The following XRRA1 variants were observed in gnomAD, a reference collection of about 807,000 sequenced individuals.
XRRA1 encodes X-ray radiation resistance associated 1, also known as X-ray radiation resistance-associated protein 1.
In XRRA1, 69 loss-of-function variants were observed where a neutral mutation model predicts 80.2. The observed-to-expected ratio is 0.86, with a 90% CI of 0.71 to 1.05. The LOEUF (loss-of-function observed/expected upper bound fraction) is 1.05, where lower values mean the gene tolerates loss of function less well. Ranked by LOEUF, XRRA1 falls within the 50% of genes least tolerant of loss-of-function variation. The pLI is 0.00. For missense variants in XRRA1, 967 were observed against 976.4 expected (o/e 0.99, Z 0.13); for synonymous variants, 348 against 389.9 (o/e 0.89, Z 1.27).
chr11:74,906,341 C>T lies in XRRA1; in HGVS notation c.901G>A (p.Glu301Lys). 6.2e-7 allele frequency: 1 copy of T among 1,614,024 alleles called. No individual in the cohort carries two copies. The highest frequency in any genetic ancestry group is 1.1e-5 in the South Asian group (1 of 91,084). The change falls in exon 10 of 19, where the codon GAG becomes AAG. Residue 301 changes from glutamate to lysine, a missense_variant. Physicochemically the swap from Glu to Lys is moderately conservative, Grantham distance 56. Coordinates refer to ENST00000684022, the MANE Select transcript of XRRA1 (RefSeq NM_001378157.1). ...WNGGRGSPHKEPQFMLQSKPR... is the reference protein window; with the variant it reads ...WNGGRGSPHKKPQFMLQSKPR... ...TTGGACTGCAGCATGAATTGGGGCT[C>T]TTTATGGGGACTTCCCCTGCCTCCA...
At position 74,936,995 on chromosome 11, in the gene XRRA1, A is replaced by G. The variant is rs760533136; in HGVS notation, c.168T>C (p.Ala56=). 3.7e-6 allele frequency: 6 copies of G among 1,613,870 alleles called. No individual in the cohort carries two copies. The South Asian group carries it at 6.6e-5, about 18-fold the overall frequency. Reference sequence around the variant, plus strand: ...TCGCCTTCAGGCTTTCCCGACGTTCAGCTTGTGCTCCAACCAAACCCTTGG... The same window carrying G: ...TCGCCTTCAGGCTTTCCCGACGTTCGGCTTGTGCTCCAACCAAACCCTTGG... The part of the protein sequence containing the change: ...KKPKGLVGAQ[A]ERRESLKATS... The change falls in exon 4 of 19, where the codon GCT becomes GCC. Residue 56 remains alanine (A), a synonymous_variant. Coordinates refer to ENST00000684022, the MANE Select transcript of XRRA1 (RefSeq NM_001378157.1).
At chr11:74,879,543 A>G (rs967965214) in intron 10 of XRRA1, among the ~76,000 whole-genome samples, 6 of 152,132 alleles carry the variant, frequency 3.9e-5, no homozygotes, top group African/African-American at 1.2e-4. Context: ...GTCTTGTGCC[A>G]GTTTTCAAAG....
At position 74,869,246 on chromosome 11, in the gene XRRA1, GGT is replaced by G. The variant is rs528852823; in HGVS notation, c.1004-6227_1004-6226del. On this transcript the variant is annotated intron_variant, in intron 10 of 18. Transcript: ENST00000684022. Reference sequence around the variant, plus strand: ...TAAACCTGCTCCTGAATGACTTTTGGGTAAATAATGAAATTAAGGGAGAAATC... The same window carrying G: ...TAAACCTGCTCCTGAATGACTTTTGGAAATAATGAAATTAAGGGAGAAATC... Among the ~76,000 whole-genome samples the G allele has an allele frequency of 2.6e-5, 4 of 152,008 alleles. No homozygotes were observed. In the South Asian group the frequency reaches 8.3e-4, roughly 32 times the overall value.
chr11:74,906,879 T>C, intron 9 of XRRA1: 1 of 458,600 alleles, frequency 2.2e-6, no homozygotes, highest in Non-Finnish European at 3.8e-6. Context: ...GTCCGAATCC[T>C]ATCTTGGGTA....
chr11:74,945,648 TATATGGTAG>T (rs1214742045), intron 1 of XRRA1, among the ~76,000 whole-genome samples: 1 of 152,080 alleles, frequency 6.6e-6, no homozygotes, highest in African/African-American at 2.4e-5. Flanking sequence ...GTAAGATCTT[TATATGGTAG>T]AAAAAAAAGT....
In XRRA1 at chr11:74,899,562, A is replaced by G. The variant is rs144042065; in HGVS notation, c.1003+6677T>C. 5.9e-5 allele frequency among the ~76,000 whole-genome samples: 9 copies of G among 152,318 alleles called. No homozygotes were observed. In the East Asian group the frequency reaches 1.7e-3, roughly 29 times the overall value. ...ACCCAAATAAATAAAATCAGAGATA[A>G]AAAAGGAGATATTACAGCTGTTACT... On this transcript the variant is annotated intron_variant, in intron 10 of 18. Transcript: ENST00000684022.
intron 10 of XRRA1, among the ~76,000 whole-genome samples, chr11:74,880,593 G>A (rs2047283479): frequency 6.6e-6 from 1 of 150,716 alleles, no homozygotes; most frequent in Non-Finnish European, 1.5e-5. Context: ...TCTCTTGTGG[G>A]CATTTAGTGC....
intron 3 of XRRA1, among the ~76,000 whole-genome samples, chr11:74,939,808 T>C (rs1324109800): frequency 6.6e-6 from 1 of 151,924 alleles, no homozygotes; most frequent in African/African-American, 2.4e-5. Flanking sequence ...TCTGTAGCTA[T>C]CCATCTATGT....
chr11:74,844,427 T>A (rs2037441644), intron 16 of XRRA1, 144 bp from the exon 17 acceptor site: 1 of 638,948 alleles, frequency 1.6e-6, no homozygotes, highest in Admixed American at 2.8e-5. Flanking sequence ...GCCCCCAGGT[T>A]TCTTCCGGAT....
chr11:74,868,576 T>C (rs1039178863), intron 10 of XRRA1, among the ~76,000 whole-genome samples: 1 of 152,160 alleles, frequency 6.6e-6, no homozygotes, highest in South Asian at 2.1e-4. Context: ...CAAGACCTGA[T>C]GGTATGCTGT....
chr11:74,945,326 G>A (rs1947279741), intron 1 of XRRA1, among the ~76,000 whole-genome samples: 1 of 152,144 alleles, frequency 6.6e-6, no homozygotes, highest in South Asian at 2.1e-4. Context: ...TGGCTGGAGT[G>A]CTTAAATCAG....
intron 10 of XRRA1, among the ~76,000 whole-genome samples, chr11:74,885,346 AAAAG>A (rs1303531072): frequency 1.3e-5 from 2 of 152,228 alleles, no homozygotes; most frequent in South Asian, 2.1e-4. Flanking sequence ...CTAGATTAAT[AAAAG>A]AAAGACAGAA....
At chr11:74,900,493 A>T (rs1218627610) in intron 10 of XRRA1, among the ~76,000 whole-genome samples, 1 of 152,154 alleles carries the variant, frequency 6.6e-6, no homozygotes, top group East Asian at 1.9e-4. Flanking sequence ...GAGGCAGGAG[A>T]ATCACTTGAA....
At chr11:74,845,323 C>A (rs543148113) in intron 15 of XRRA1, 52 bp from the exon 16 acceptor site, 1 of 1,537,778 alleles carries the variant, frequency 6.5e-7, no homozygotes, top group Admixed American at 1.9e-5. Context: ...TTCATTCATT[C>A]CATGAACATT....
At chr11:74,853,329 A>C (rs2040346800) in intron 12 of XRRA1, among the ~76,000 whole-genome samples, 1 of 152,190 alleles carries the variant, frequency 6.6e-6, no homozygotes, top group Non-Finnish European at 1.5e-5. Flanking sequence ...TGTATTAACC[A>C]AAACCATTTC....
At chr11:74,893,600 AAAG>A (rs2051402030) in intron 10 of XRRA1, among the ~76,000 whole-genome samples, 1 of 152,246 alleles carries the variant, frequency 6.6e-6, no homozygotes, top group South Asian at 2.1e-4. Context: ...AAGAAAAAAA[AAAG>A]GAGACATACA....
chr11:74,946,404 T>C (rs1305652616), intron 1 of XRRA1, among the ~76,000 whole-genome samples: 1 of 152,202 alleles, frequency 6.6e-6, no homozygotes, highest in Non-Finnish European at 1.5e-5. Flanking sequence ...GTCCTCACCA[T>C]AGTGAGTGAG....
At chr11:74,857,177 G>A (rs773971379) in intron 12 of XRRA1, among the ~76,000 whole-genome samples, 52 of 152,142 alleles carry the variant, frequency 3.4e-4, no homozygotes, top group Admixed American at 2.0e-4. Context: ...AAGGATGAAA[G>A]CTGAGGACAA....
intron 12 of XRRA1, among the ~76,000 whole-genome samples, chr11:74,853,806 A>G (rs2040448635): frequency 1.3e-5 from 2 of 152,198 alleles, no homozygotes; most frequent in Admixed American, 1.3e-4. Flanking sequence ...GAAGAGTTTA[A>G]AGAAGGCTAG....
Sources: allele counts gnomAD v4.1 joint callset (sites outside exome capture counted in the v4.1 genomes callset), GRCh38; gene constraint gnomAD v4.1.1; transcripts MANE v1.5; gene names NCBI Gene and HGNC (gene_info 2026-07-23, HGNC 2026-07-21).